The following PRKCB variants were observed in gnomAD, a reference collection of about 807,000 sequenced individuals.
The protein encoded by PRKCB is protein kinase C beta, also known as protein kinase C beta type.
PRKCB carries 13 observed loss-of-function variants against 81.5 expected under a neutral mutation model. That is an observed-to-expected ratio of 0.16 (90% CI 0.10 to 0.25). The LOEUF (loss-of-function observed/expected upper bound fraction) is 0.25. Ranked by LOEUF, PRKCB falls within the 10% of genes least tolerant of loss-of-function variation. The pLI is 1.00. For missense variants in PRKCB, 509 were observed against 875.7 expected (o/e 0.58, Z 5.29); for synonymous variants, 335 against 321.4 (o/e 1.04, Z -0.45).
rs1367429094 is a variant in PRKCB at position 24,216,785 on chromosome 16, AG to A, written c.*1970del. 1.0e-6 allele frequency: 1 copy of A among 985,344 alleles called. No individual in the cohort carries two copies. The highest frequency in any genetic ancestry group is 1.2e-6 in the Non-Finnish European group (1 of 829,946). The allele number at this position is 985,344 out of a possible 1,614,324, so 61.0% of individuals were successfully genotyped here. ...AAGAGAAGGAGGGAAATCGGAGCAA[AG>A]CTCCCTCACTTTATTGTTGAGAAAC... On this transcript the variant is annotated 3_prime_UTR_variant, in exon 17 of 17. Transcript: ENST00000643927.
chr16:23,863,431 T>C (rs1326669993), intron 2 of PRKCB, among the ~76,000 whole-genome samples: 1 of 152,040 alleles, frequency 6.6e-6, no homozygotes, highest in African/African-American at 2.4e-5. Context: ...GAATTCTTTC[T>C]TGTGCAAGAT....
intron 2 of PRKCB, among the ~76,000 whole-genome samples, chr16:23,905,496 A>G (rs186134796): frequency 6.6e-6 from 1 of 152,218 alleles, no homozygotes; most frequent in Non-Finnish European, 1.5e-5. Context: ...CCTTTTTAGT[A>G]TAAGTATGTC....
intron 16 of PRKCB, 43 bp downstream of exon 16, chr16:24,191,273 A>G (rs1431099914): frequency 6.2e-7 from 1 of 1,610,726 alleles, no homozygotes; most frequent in Non-Finnish European, 8.5e-7. Context: ...TTCACACACA[A>G]GGTATTCTTG....
chr16:23,926,816 G>A (rs1357499642), intron 2 of PRKCB, among the ~76,000 whole-genome samples: 2 of 151,972 alleles, frequency 1.3e-5, no homozygotes, highest in Admixed American at 6.6e-5. Context: ...TCTTTGGATA[G>A]CTGCCCAAAA....
intron 2 of PRKCB, among the ~76,000 whole-genome samples, chr16:23,967,864 G>T (rs908184166): frequency 1.3e-5 from 2 of 152,172 alleles, no homozygotes; most frequent in African/African-American, 4.8e-5. Context: ...TGTTGGCCAG[G>T]TTGGCCTTGA....
chr16:24,176,748 G>C (rs1967539191), intron 12 of PRKCB, among the ~76,000 whole-genome samples: 1 of 152,082 alleles, frequency 6.6e-6, no homozygotes, highest in Non-Finnish European at 1.5e-5. Context: ...ACGAATATTA[G>C]CTGGGTGTGG....
chr16:24,001,490 G>A (rs1413693226), intron 3 of PRKCB, among the ~76,000 whole-genome samples: 1 of 152,118 alleles, frequency 6.6e-6, no homozygotes, highest in African/African-American at 2.4e-5. Flanking sequence ...AAACAGAAAT[G>A]AAAGTATTAA....
chr16:24,034,509 G>A (rs552075004), intron 4 of PRKCB, among the ~76,000 whole-genome samples: 14 of 152,350 alleles, frequency 9.2e-5, no homozygotes, highest in Non-Finnish European at 1.9e-4. Context: ...GATACTCTAC[G>A]GAGGAGTGCG....
chr16:24,147,691 A>G (rs1237704426), intron 9 of PRKCB, among the ~76,000 whole-genome samples: 1 of 152,134 alleles, frequency 6.6e-6, no homozygotes, highest in Non-Finnish European at 1.5e-5. Context: ...GGGCTTGATG[A>G]TGGGTGTGTT....
intron 5 of PRKCB, among the ~76,000 whole-genome samples, chr16:24,062,297 A>T (rs1041280367): frequency 6.6e-6 from 1 of 152,046 alleles, no homozygotes; most frequent in African/African-American, 2.4e-5. Context: ...AGGGACAGGG[A>T]TGCCTTGGCC....
intron 10 of PRKCB, among the ~76,000 whole-genome samples, chr16:24,164,391 A>G (rs1457526772): frequency 1.3e-5 from 2 of 152,204 alleles, no homozygotes; most frequent in African/African-American, 4.8e-5. Flanking sequence ...TTTACTGATT[A>G]TGAGAGATTA....
intron 9 of PRKCB, among the ~76,000 whole-genome samples, chr16:24,133,412 G>A (rs1966856446): frequency 6.6e-6 from 1 of 152,056 alleles, no homozygotes; most frequent in Non-Finnish European, 1.5e-5. Flanking sequence ...TTCCTAAGAG[G>A]GCCCATGAGA....
At chr16:24,083,943 A>C (rs975873419) in intron 5 of PRKCB, among the ~76,000 whole-genome samples, 2 of 152,218 alleles carry the variant, frequency 1.3e-5, no homozygotes, top group African/African-American at 4.8e-5. Context: ...GCAATAGTCC[A>C]AGATGAAGAG....
chr16:23,851,464 C>A (rs531813098), intron 2 of PRKCB, among the ~76,000 whole-genome samples: 3 of 152,128 alleles, frequency 2.0e-5, no homozygotes, highest in Non-Finnish European at 1.5e-5. Flanking sequence ...ATGCTAGTAC[C>A]GTGCTGTTTT....
intron 5 of PRKCB, among the ~76,000 whole-genome samples, chr16:24,054,051 C>T (rs961945137): frequency 6.6e-6 from 1 of 152,196 alleles, no homozygotes; most frequent in African/African-American, 2.4e-5. Context: ...CTGCTCACTG[C>T]AGCCTCAAAC....
chr16:24,215,625 T>C lies in PRKCB; in HGVS notation c.*809T>C. 1 of 985,324 alleles carries C rather than the reference T, an allele frequency of 1.0e-6. No individual in the cohort carries two copies. 61.0% of individuals were successfully genotyped at this position (985,324 alleles called of 1,614,324 possible). On this transcript the variant is annotated 3_prime_UTR_variant, in exon 17 of 17. Transcript: ENST00000643927. ...TATTTGCTTTGGGGTTTTGTTTCTGTTGTTGTTCAAATGCAAAAAAAAGAA... is the reference window on the plus strand; with the variant it reads ...TATTTGCTTTGGGGTTTTGTTTCTGCTGTTGTTCAAATGCAAAAAAAAGAA...
intron 3 of PRKCB, among the ~76,000 whole-genome samples, chr16:23,993,140 G>A (rs1176807015): frequency 1.3e-5 from 2 of 152,022 alleles, no homozygotes; most frequent in African/African-American, 4.8e-5. Flanking sequence ...TGTGACCCAC[G>A]GGGAGGTATG....
chr16:24,046,605 C>T (rs186340114), intron 5 of PRKCB, among the ~76,000 whole-genome samples: 69 of 151,982 alleles, frequency 4.5e-4, no homozygotes, highest in African/African-American at 1.6e-3. Flanking sequence ...GCAGAGGGAG[C>T]GGCAGAGGCA....
At chr16:23,859,338 C>A (rs1437411115) in intron 2 of PRKCB, among the ~76,000 whole-genome samples, 1 of 152,138 alleles carries the variant, frequency 6.6e-6, no homozygotes, top group African/African-American at 2.4e-5. Flanking sequence ...AGTGTGAGAT[C>A]CCTCCTTTGT....
Sources: allele counts gnomAD v4.1 joint callset (sites outside exome capture counted in the v4.1 genomes callset), GRCh38; gene constraint gnomAD v4.1.1; transcripts MANE v1.5; gene names NCBI Gene and HGNC (gene_info 2026-07-23, HGNC 2026-07-21).